Variants in TPH1 observed in about 807,000 individuals in gnomAD.
The protein encoded by TPH1 is tryptophan hydroxylase 1.
TPH1 carries 37 observed loss-of-function variants against 49.5 expected under a neutral mutation model. The observed-to-expected ratio is 0.75, with a 90% CI of 0.58 to 0.98. The LOEUF (loss-of-function observed/expected upper bound fraction) is 0.98, where lower values mean the gene tolerates loss of function less well. TPH1 is among the 50% of genes least tolerant of loss of function. The pLI, the probability that TPH1 is intolerant of heterozygous loss-of-function variation, is 0.00. For missense variants in TPH1, 487 were observed against 523.6 expected, an observed-to-expected ratio of 0.93 and a Z score of 0.68; for synonymous variants, 160 against 182.1, an observed-to-expected ratio of 0.88 and a Z score of 0.98.
chr11:18,022,938 G>A lies in TPH1; in HGVS notation c.1027-7C>T. On this transcript the variant is annotated splice_polypyrimidine_tract_variant and splice_region_variant and intron_variant, in intron 9 of 10. Coordinates refer to ENST00000682019, the MANE Select transcript of TPH1 (RefSeq NM_004179.3). ...CATGTCCAGAAAGTGCATGCTAGAA[G>A]ACAAAGAGTCAGTGAATCAAAGAAT... is the stretch of plus-strand genomic sequence containing the variant. 1 of 1,612,938 alleles carries A rather than the reference G, an allele frequency of 6.2e-7. No individual in the cohort carries two copies. Among genetic ancestry groups the A allele is most frequent in the South Asian group, 1.1e-5 (1 of 91,032 alleles).
intron 2 of TPH1, 128 bp downstream of exon 2, chr11:18,040,518 C>A (rs965357932): frequency 3.1e-5 from 28 of 905,814 alleles, no homozygotes; most frequent in Non-Finnish European, 4.4e-5. Flanking sequence ...CAGGAGTCCA[C>A]CACCACACCC....
At position 18,035,382 on chromosome 11, in the gene TPH1, TTTTC is replaced by T. The variant is rs746216439; in HGVS notation, c.301+573_301+576del. Among the ~76,000 whole-genome samples, 792 of 112,698 alleles carry T rather than the reference TTTTC, an allele frequency of 7.0e-3. 2 individuals carry two copies. Among genetic ancestry groups the T allele is most frequent in the Non-Finnish European group, 9.3e-3 (524 of 56,086 alleles). 73.9% of individuals were successfully genotyped at this position (112,698 alleles called of 152,430 possible). A position where few individuals can be genotyped will look rare whatever the true frequency, so the allele number is the denominator to read the frequency against. On this transcript the variant is annotated intron_variant, in intron 3 of 10. Coordinates refer to ENST00000682019, the MANE Select transcript of TPH1 (RefSeq NM_004179.3). ...GTCTTTCTTTTTCTTTCTTTCTTTC[TTTTC>T]TTTCTTTTTCTTTCTTTTTTCTTTC...
In TPH1 at chr11:18,018,582, C is replaced by A. The variant is rs952352725; in HGVS notation, c.*2409G>T. 1 of 143,096 alleles carries A rather than the reference C, an allele frequency of 7.0e-6. No homozygotes were observed. The highest frequency in any genetic ancestry group is 1.5e-5 in the Non-Finnish European group (1 of 66,942). The allele number at this position is 143,096 out of a possible 1,614,324, so 8.9% of individuals were successfully genotyped here. A position where few individuals can be genotyped will look rare whatever the true frequency, so the allele number is the denominator to read the frequency against. On this transcript the variant is annotated 3_prime_UTR_variant, in exon 11 of 11. Transcript: ENST00000682019. Reference sequence around the variant, plus strand: ...TCAGGAGACAGAGGCAGGAGAATGCCGTGAACCTGGGAGGTGGAGCTTGCA... The same window carrying A: ...TCAGGAGACAGAGGCAGGAGAATGCAGTGAACCTGGGAGGTGGAGCTTGCA...
intron 3 of TPH1, 100 bp downstream of exon 3, chr11:18,035,859 G>T: frequency 9.8e-7 from 1 of 1,021,752 alleles, no homozygotes; most frequent in Non-Finnish European, 1.5e-6. Context: ...AATTTGGAGA[G>T]CTTGTGTTTT....
chr11:18,033,435 C>T (rs1256597080), intron 3 of TPH1, 61 bp from the exon 4 acceptor site: 27 of 1,248,946 alleles, frequency 2.2e-5, no homozygotes, highest in East Asian at 4.8e-5. Flanking sequence ...TAATCTTAAA[C>T]AAGACAATAA....
At chr11:18,035,889 G>T in intron 3 of TPH1, 70 bp downstream of exon 3, 1 of 1,308,982 alleles carries the variant, frequency 7.6e-7, no homozygotes. Context: ...ATGTCTTCAA[G>T]ATAAATATAA....
rs2134023814 is a variant in TPH1 at position 18,020,514 on chromosome 11, T to C, written c.*477A>G. Reference sequence around the variant, plus strand: ...CTCCTGTTAAATTTTAGTGTGAATGTGATTGAGCTTGGCACAAATTCAGCA... The same window carrying C: ...CTCCTGTTAAATTTTAGTGTGAATGCGATTGAGCTTGGCACAAATTCAGCA... On this transcript the variant is annotated 3_prime_UTR_variant, in exon 11 of 11. Coordinates refer to ENST00000682019, the MANE Select transcript of TPH1 (RefSeq NM_004179.3). 6.0e-6 allele frequency: 1 copy of C among 165,460 alleles called. No homozygotes were observed. The highest frequency in any genetic ancestry group is 1.7e-4 in the East Asian group (1 of 5,912). 10.2% of individuals were successfully genotyped at this position (165,460 alleles called of 1,614,324 possible).
intron 10 of TPH1, 106 bp downstream of exon 10, chr11:18,022,692 C>T (rs898781372): frequency 1.5e-5 from 19 of 1,233,088 alleles, no homozygotes; most frequent in Non-Finnish European, 2.1e-5. Context: ...ACAGAAGGCT[C>T]CTTGTGGGCT....
At chr11:18,025,434 G>A in intron 8 of TPH1, 141 bp downstream of exon 8, 1 of 1,013,014 alleles carries the variant, frequency 9.9e-7, no homozygotes, top group Non-Finnish European at 1.5e-6. Context: ...AGGCTGGAGT[G>A]CAGTGGCACA....
intron 8 of TPH1, 110 bp downstream of exon 8, chr11:18,025,465 C>T: frequency 1.3e-6 from 2 of 1,514,230 alleles, no homozygotes; most frequent in Non-Finnish European, 1.8e-6. Context: ...ACTGCAACCT[C>T]CAAGCAAAGA....
intron 2 of TPH1, among the ~76,000 whole-genome samples, chr11:18,038,521 T>C (rs1848068377): frequency 6.6e-6 from 1 of 152,316 alleles, no homozygotes; most frequent in African/African-American, 2.4e-5. Flanking sequence ...ATATCAAACA[T>C]GAGAGCAGCT....
chr11:18,031,974 T>A (rs907596599), intron 4 of TPH1, among the ~76,000 whole-genome samples: 5 of 152,214 alleles, frequency 3.3e-5, no homozygotes, highest in African/African-American at 1.2e-4. Flanking sequence ...CTTTAGCTTT[T>A]CAACTAGACT....
intron 8 of TPH1, among the ~76,000 whole-genome samples, chr11:18,024,423 AAGAC>A (rs1847907047): frequency 6.6e-6 from 1 of 152,224 alleles, no homozygotes. Context: ...GTCTGGCTAG[AAGAC>A]AGATGGAGTC....
chr11:18,040,577 A>T (rs1848090762), intron 2 of TPH1, 69 bp downstream of exon 2: 1 of 1,464,938 alleles, frequency 6.8e-7, no homozygotes, highest in Non-Finnish European at 9.4e-7. Flanking sequence ...ATGTTGCCCT[A>T]TATTTTAAAT....
At chr11:18,035,762 T>C (rs780569357) in intron 3 of TPH1, among the ~76,000 whole-genome samples, 197 bp downstream of exon 3, 1 of 152,166 alleles carries the variant, frequency 6.6e-6, no homozygotes, top group Admixed American at 6.6e-5. Context: ...TCATTTCTCT[T>C]ACACTTGATC....
At chr11:18,025,836 A>C in intron 7 of TPH1, 135 bp from the exon 8 acceptor site, 1 of 1,338,550 alleles carries the variant, frequency 7.5e-7, no homozygotes. Context: ...CACAAAGGAC[A>C]CTAATCAAAT....
At chr11:18,044,646 T>C (rs886598070) in intron 1 of TPH1, among the ~76,000 whole-genome samples, 1 of 152,088 alleles carries the variant, frequency 6.6e-6, no homozygotes, top group Non-Finnish European at 1.5e-5. Flanking sequence ...CATCAGTTAT[T>C]TTTTCCTCCA....
At chr11:18,046,148 G>A (rs1377764900) in intron 1 of TPH1, among the ~76,000 whole-genome samples, 93 bp downstream of exon 1, 1 of 152,192 alleles carries the variant, frequency 6.6e-6, no homozygotes, top group Non-Finnish European at 1.5e-5. Context: ...TTACCTCCCG[G>A]GAGGGTGACT....
chr11:18,034,496 G>A (rs1396628296), intron 3 of TPH1, among the ~76,000 whole-genome samples: 1 of 152,232 alleles, frequency 6.6e-6, no homozygotes, highest in African/African-American at 2.4e-5. Flanking sequence ...TGATGGGTAT[G>A]GGACTTCTTG....
Sources: gnomAD v4.1 joint callset for allele counts (sites outside exome capture counted in the v4.1 genomes callset) on GRCh38, gnomAD v4.1.1 for gene constraint, MANE v1.5 for transcripts, NCBI Gene and HGNC (gene_info 2026-07-23, HGNC 2026-07-21) for gene names.